The following SUPT3H variants were observed in gnomAD, a reference collection of about 807,000 sequenced individuals.
SUPT3H encodes SPT3 homolog, SAGA and STAGA complex component.
Under a neutral mutation model 44.3 loss-of-function variants are expected in SUPT3H, and 44 were observed. That is an observed-to-expected ratio of 0.99 (90% CI 0.78 to 1.28). SUPT3H has a LOEUF of 1.28. Ranked by LOEUF, SUPT3H falls within the 50% of genes most tolerant of loss-of-function variation. The pLI is 0.00. For missense variants in SUPT3H, 380 were observed against 387.1 expected (o/e 0.98, Z 0.15); for synonymous variants, 124 against 125.6 (o/e 0.99, Z 0.09).
In SUPT3H at chr6:45,025,882, C is replaced by CA. The variant is rs11299141; in HGVS notation, c.187-5251dup. Among the ~76,000 whole-genome samples, 536 of 127,900 alleles carry CA rather than the reference C, an allele frequency of 4.2e-3. 4 individuals are homozygous for CA. Among genetic ancestry groups the CA allele is most frequent in the South Asian group, 0.02 (80 of 3,958 alleles). The allele number at this position is 127,900 out of a possible 152,430, so 83.9% of individuals were successfully genotyped here. A position where few individuals can be genotyped will look rare whatever the true frequency, so the allele number is the denominator to read the frequency against. On this transcript the variant is annotated intron_variant, in intron 3 of 10. Transcript: ENST00000371459. ...TGGATGACAGAGCGAGACTCCGTCT[C>CA]AAAAAAAAAAAAAAAAAATGTACAA...
chr6:45,346,396 T>C (rs1431573933), intron 2 of SUPT3H, among the ~76,000 whole-genome samples: 1 of 152,078 alleles, frequency 6.6e-6, no homozygotes, highest in Non-Finnish European at 1.5e-5. Context: ...CATGCCCTCC[T>C]GAGCAGCCCC....
At chr6:44,825,924 A>G (rs1274787304), downstream of SUPT3H, among the ~76,000 whole-genome samples, 2 of 152,194 alleles carry the variant, frequency 1.3e-5, no homozygotes, top group African/African-American at 4.8e-5. Flanking sequence ...ACAATGAAAT[A>G]TGTATGCGGC....
intron 10 of SUPT3H, among the ~76,000 whole-genome samples, chr6:44,902,777 G>A (rs1156404223): frequency 2.0e-5 from 3 of 152,118 alleles, no homozygotes; most frequent in Non-Finnish European, 4.4e-5. Context: ...CACATAGTTG[G>A]AAGCAAAACA....
In SUPT3H at chr6:44,914,081, T is replaced by A. The variant is rs1767455513; in HGVS notation, c.912+18572A>T. Among the ~76,000 whole-genome samples, 3 of 152,194 alleles carry A rather than the reference T, an allele frequency of 2.0e-5. No homozygotes were observed. In the South Asian group the frequency reaches 6.2e-4, roughly 32 times the overall value. On this transcript the variant is annotated intron_variant, in intron 10 of 10. Transcript: ENST00000371459. ...AACCTAATAGTTAGGCATTGCTCCT[T>A]TGAATACATTTTTTTAAAAAATTGC...
chr6:45,158,632 G>C (rs1734876462), intron 2 of SUPT3H, among the ~76,000 whole-genome samples: 2 of 151,964 alleles, frequency 1.3e-5, no homozygotes, highest in Non-Finnish European at 2.9e-5. Flanking sequence ...TTTGGGGTGA[G>C]ACATACCCAG....
chr6:45,143,567 T>C (rs1805577135), intron 2 of SUPT3H, among the ~76,000 whole-genome samples: 1 of 152,024 alleles, frequency 6.6e-6, no homozygotes, highest in South Asian at 2.1e-4. Flanking sequence ...AAGAGGAAAG[T>C]TCATAGTATT....
rs559141723 is a variant in SUPT3H, at chr6:45,023,752, C to T, written c.187-3120G>A. 4.0e-5 allele frequency among the ~76,000 whole-genome samples: 6 copies of T among 151,882 alleles called. No homozygotes were observed. The South Asian group carries it at 6.3e-4, about 16-fold the overall frequency. Reference sequence around the variant, plus strand: ...AAAAAAGGAAACATAGACACTGGGGCCTACTTGAAGGTGGAAGGAGGGAGA... The same window carrying T: ...AAAAAAGGAAACATAGACACTGGGGTCTACTTGAAGGTGGAAGGAGGGAGA... On this transcript the variant is annotated intron_variant, in intron 3 of 10. Coordinates refer to ENST00000371459, the MANE Select transcript of SUPT3H (RefSeq NM_003599.4).
At chr6:44,965,018 T>C (rs1521355) in intron 6 of SUPT3H, among the ~76,000 whole-genome samples, 81,420 of 152,058 alleles carry the variant, frequency 0.54, 21,884 homozygotes, top group East Asian at 0.7. Flanking sequence ...TGGTAATTTT[T>C]TATTCCAATG....
chr6:44,897,344 T>C (rs1341143379), intron 10 of SUPT3H, among the ~76,000 whole-genome samples: 1 of 152,220 alleles, frequency 6.6e-6, no homozygotes, highest in Non-Finnish European at 1.5e-5. Context: ...TATAGAAATC[T>C]AATGTTAGAA....
chr6:45,365,290 C>T lies in SUPT3H; in HGVS notation c.12G>A (p.Thr4=), dbSNP rs767594992. 18 of 1,605,922 alleles carry T rather than the reference C, an allele frequency of 1.1e-5. No individual in the cohort carries two copies. The South Asian group carries it at 1.4e-4, about 13-fold the overall frequency. Residue 4 remains threonine, a synonymous_variant, in exon 2 of 11, where the codon ACG becomes ACA. Transcript: ENST00000371459. The part of the protein sequence containing the change: MNN[T]AASPMSTATS... ...TTGCAGTAGACATTGGACTAGCTGC[C>T]GTATTATTCATCTAAATAAAAAGGA...
chr6:45,043,541 C>T (rs919089098), intron 3 of SUPT3H, among the ~76,000 whole-genome samples: 13 of 152,074 alleles, frequency 8.5e-5, no homozygotes, highest in African/African-American at 2.4e-4. Flanking sequence ...CCCTTCATGA[C>T]ATAAATTCTG....
chr6:44,867,583 T>TA (rs758140550), intron 10 of SUPT3H, among the ~76,000 whole-genome samples: 3 of 152,108 alleles, frequency 2.0e-5, no homozygotes, highest in Non-Finnish European at 4.4e-5. Flanking sequence ...TAAGCAGTAA[T>TA]AAGCAATTCC....
intron 6 of SUPT3H, among the ~76,000 whole-genome samples, chr6:44,964,142 G>C (rs1191414696): frequency 1.3e-5 from 2 of 152,076 alleles, no homozygotes; most frequent in African/African-American, 4.8e-5. Context: ...ACTCACGTTT[G>C]AATTTCTAGC....
At chr6:44,971,576 AC>A (rs1777573524) in intron 6 of SUPT3H, among the ~76,000 whole-genome samples, 1 of 152,148 alleles carries the variant, frequency 6.6e-6, no homozygotes, top group African/African-American at 2.4e-5. Flanking sequence ...CATGGGGGTA[AC>A]TGCCCCCCAT....
At chr6:45,310,026 T>C (rs1314740717) in intron 2 of SUPT3H, among the ~76,000 whole-genome samples, 2 of 152,110 alleles carry the variant, frequency 1.3e-5, no homozygotes, top group African/African-American at 4.8e-5. Flanking sequence ...CTCTGGGAAG[T>C]GGAAAGCCTC....
chr6:45,255,186 G>A (rs535481122), intron 2 of SUPT3H, among the ~76,000 whole-genome samples: 1 of 152,080 alleles, frequency 6.6e-6, no homozygotes, highest in African/African-American at 2.4e-5. Context: ...TATATATAGA[G>A]AGAGAGAGTT....
chr6:45,023,713 G>A (rs2153519882), intron 3 of SUPT3H, among the ~76,000 whole-genome samples: 1 of 108,834 alleles, frequency 9.2e-6, no homozygotes, highest in Admixed American at 1.1e-4. Flanking sequence ...TAAATGATGA[G>A]CACTTATGAA....
chr6:44,927,919 C>T (rs1012594977), intron 10 of SUPT3H, among the ~76,000 whole-genome samples: 4 of 152,236 alleles, frequency 2.6e-5, no homozygotes, highest in Admixed American at 6.5e-5. Flanking sequence ...GAATGGTTTC[C>T]GCTTACTTTG....
chr6:45,040,022 G>A (rs1196166445), intron 3 of SUPT3H, among the ~76,000 whole-genome samples: 1 of 152,146 alleles, frequency 6.6e-6, no homozygotes, highest in Admixed American at 6.6e-5. Flanking sequence ...CTTATGGGAT[G>A]AACAGTGATC....
Sources: allele counts gnomAD v4.1 joint callset (sites outside exome capture counted in the v4.1 genomes callset), GRCh38; gene constraint gnomAD v4.1.1; transcripts MANE v1.5; gene names NCBI Gene and HGNC (gene_info 2026-07-23, HGNC 2026-07-21).